Variants in SNAP25 observed in about 807,000 individuals in gnomAD.
SNAP25 encodes synaptosome associated protein 25.
SNAP25 carries 3 observed loss-of-function variants against 28.7 expected under a neutral mutation model. The ratio of observed to expected loss-of-function variants is 0.10; its 90% confidence interval spans 0.05 to 0.27. The LOEUF (loss-of-function observed/expected upper bound fraction) is 0.27. SNAP25 is among the 10% of genes least tolerant of loss of function. SNAP25 has a pLI of 1.00. For missense variants in SNAP25, 117 were observed against 278.7 expected, an observed-to-expected ratio of 0.42 and a Z score of 4.13; for synonymous variants, 61 against 88.1, an observed-to-expected ratio of 0.69 and a Z score of 1.72.
intron 3 of SNAP25, among the ~76,000 whole-genome samples, chr20:10,283,401 C>G (rs1023515051): frequency 6.6e-6 from 1 of 152,190 alleles, no homozygotes; most frequent in African/African-American, 2.4e-5. Flanking sequence ...TCTCCACAGT[C>G]TGCGCTGTCA....
chr20:10,244,620 A>G (rs2063094193), intron 1 of SNAP25, among the ~76,000 whole-genome samples: 1 of 152,214 alleles, frequency 6.6e-6, no homozygotes, highest in Admixed American at 6.5e-5. Flanking sequence ...GGGATAAACA[A>G]GAAGTATAAA....
At chr20:10,243,891 A>G (rs879795741) in intron 1 of SNAP25, among the ~76,000 whole-genome samples, 1 of 152,184 alleles carries the variant, frequency 6.6e-6, no homozygotes, top group African/African-American at 2.4e-5. Flanking sequence ...AATCTATGAG[A>G]CACATTTTTA....
intron 1 of SNAP25, among the ~76,000 whole-genome samples, chr20:10,265,943 G>A (rs2063499327): frequency 6.6e-6 from 1 of 152,154 alleles, no homozygotes; most frequent in Non-Finnish European, 1.5e-5. Flanking sequence ...GCTGGTCTGG[G>A]GAACACATTT....
intron 1 of SNAP25, among the ~76,000 whole-genome samples, chr20:10,273,857 C>T (rs757340356): frequency 2.6e-5 from 4 of 152,204 alleles, no homozygotes; most frequent in Admixed American, 6.5e-5. Context: ...TTCATTCTAT[C>T]AGATACCTAC....
chr20:10,228,211 C>T (rs1455665982), intron 1 of SNAP25, among the ~76,000 whole-genome samples: 2 of 152,102 alleles, frequency 1.3e-5, no homozygotes. Context: ...CACTTAATGA[C>T]CACAAGGAAA....
intron 7 of SNAP25, among the ~76,000 whole-genome samples, chr20:10,301,973 A>T (rs566243426): frequency 4.6e-5 from 7 of 150,704 alleles, no homozygotes; most frequent in Non-Finnish European, 1.0e-4. Context: ...GGTTAAAAAC[A>T]TAATTTTTTC....
intron 1 of SNAP25, among the ~76,000 whole-genome samples, chr20:10,275,018 C>G (rs75980011): frequency 1.3e-5 from 2 of 151,524 alleles, no homozygotes; most frequent in Admixed American, 6.6e-5. Context: ...AAGTTGTACA[C>G]TTCAAATATG....
intron 5 of SNAP25, among the ~76,000 whole-genome samples, chr20:10,295,987 C>A (rs1290356929): frequency 6.6e-6 from 1 of 152,306 alleles, no homozygotes; most frequent in East Asian, 1.9e-4. Flanking sequence ...CTCTGCCCTG[C>A]CCCTCAGCCC....
intron 1 of SNAP25, among the ~76,000 whole-genome samples, chr20:10,260,724 A>ACAC (rs1568597310): frequency 2.3e-4 from 18 of 78,484 alleles, no homozygotes; most frequent in African/African-American, 5.8e-4. Flanking sequence ...CACACACACA[A>ACAC]ACACACACAC....
chr20:10,229,730 G>C (rs185536529), intron 1 of SNAP25, among the ~76,000 whole-genome samples: 3 of 152,178 alleles, frequency 2.0e-5, no homozygotes, highest in African/African-American at 7.2e-5. Flanking sequence ...CTTCTGAGTG[G>C]CAGGTTATAC....
chr20:10,262,050 A>G (rs567129856), intron 1 of SNAP25, among the ~76,000 whole-genome samples: 1 of 152,338 alleles, frequency 6.6e-6, no homozygotes, highest in South Asian at 2.1e-4. Context: ...TTCAGGAGAG[A>G]AAGCCTTCTA....
chr20:10,251,050 C>A (rs895908261), intron 1 of SNAP25, among the ~76,000 whole-genome samples: 35 of 152,124 alleles, frequency 2.3e-4, no homozygotes, highest in African/African-American at 8.0e-4. Context: ...CGTTAAGTGA[C>A]GCATGACTGT....
intron 7 of SNAP25, among the ~76,000 whole-genome samples, chr20:10,304,453 TA>T (rs1384860436): frequency 6.6e-6 from 1 of 152,224 alleles, no homozygotes; most frequent in East Asian, 1.9e-4. Context: ...AAAAGTCCAT[TA>T]ACATCTATGT....
intron 1 of SNAP25, among the ~76,000 whole-genome samples, chr20:10,239,356 A>G (rs1000197582): frequency 2.6e-5 from 4 of 152,224 alleles, no homozygotes; most frequent in African/African-American, 7.2e-5. Context: ...TGCTCTGAAG[A>G]CAAATAAAGT....
intron 3 of SNAP25, 114 bp from the exon 4 acceptor site, chr20:10,284,610 T>G: frequency 2.4e-6 from 2 of 817,126 alleles, no homozygotes. Flanking sequence ...CCTTTTTTCT[T>G]TTGGTCCTTC....
chr20:10,224,486 T>C (rs993259738), intron 1 of SNAP25, among the ~76,000 whole-genome samples: 2 of 151,854 alleles, frequency 1.3e-5, no homozygotes, highest in African/African-American at 4.8e-5. Flanking sequence ...GGACTAATGA[T>C]GTCCAATATC....
chr20:10,249,702 C>A (rs745377171), intron 1 of SNAP25, among the ~76,000 whole-genome samples: 15 of 152,100 alleles, frequency 9.9e-5, no homozygotes, highest in Non-Finnish European at 1.8e-4. Context: ...CTAAACCCCA[C>A]CACAGGCTGA....
chr20:10,261,361 C>T (rs1466186533), intron 1 of SNAP25, among the ~76,000 whole-genome samples: 2 of 152,174 alleles, frequency 1.3e-5, no homozygotes, highest in African/African-American at 2.4e-5. Context: ...CCCTGAGCCA[C>T]CACACCCTAG....
At chr20:10,291,500 C>T (rs2063997892) in intron 4 of SNAP25, among the ~76,000 whole-genome samples, 1 of 152,142 alleles carries the variant, frequency 6.6e-6, no homozygotes, top group African/African-American at 2.4e-5. Context: ...ATTTTGTTTT[C>T]ACCTGTCATT....
Sources: allele counts gnomAD v4.1 joint callset (sites outside exome capture counted in the v4.1 genomes callset), GRCh38; gene constraint gnomAD v4.1.1; transcripts MANE v1.5; gene names NCBI Gene and HGNC (gene_info 2026-07-23, HGNC 2026-07-21).